The following VTI1A variants were observed in gnomAD, a reference collection of about 807,000 sequenced individuals.
VTI1A encodes the protein vesicle transport through interaction with t-SNAREs 1A.
Under a neutral mutation model 34.9 loss-of-function variants are expected in VTI1A, and 22 were observed. The ratio of observed to expected loss-of-function variants is 0.63; its 90% CI spans 0.45 to 0.90. The LOEUF (loss-of-function observed/expected upper bound fraction) is 0.90. Ranked by LOEUF, VTI1A falls within the 40% of genes least tolerant of loss-of-function variation. The pLI is 0.00. For missense variants in VTI1A, 268 were observed against 275.6 expected (o/e 0.97, Z 0.20); for synonymous variants, 87 against 97.3 (o/e 0.89, Z 0.62).
chr10:112,591,235 T>C (rs1230109298), intron 5 of VTI1A, among the ~76,000 whole-genome samples: 1 of 151,796 alleles, frequency 6.6e-6, no homozygotes, highest in Non-Finnish European at 1.5e-5. Flanking sequence ...GAAGAGATAC[T>C]GTTGACCGGG....
At chr10:112,625,514 C>T (rs1338797196) in intron 5 of VTI1A, among the ~76,000 whole-genome samples, 4 of 151,996 alleles carry the variant, frequency 2.6e-5, no homozygotes, top group African/African-American at 9.7e-5. Context: ...GCGGCACATG[C>T]CTGTAATCCC....
chr10:112,602,094 A>G (rs1589960317), intron 5 of VTI1A, among the ~76,000 whole-genome samples: 1 of 152,230 alleles, frequency 6.6e-6, no homozygotes, highest in Non-Finnish European at 1.5e-5. Flanking sequence ...CACCATTTAT[A>G]GAATGCACTT....
At chr10:112,484,471 C>T (rs1028819163) in intron 3 of VTI1A, among the ~76,000 whole-genome samples, 1 of 152,162 alleles carries the variant, frequency 6.6e-6, no homozygotes, top group Non-Finnish European at 1.5e-5. Flanking sequence ...TTATTCACCT[C>T]CTTTGTGAAG....
intron 7 of VTI1A, among the ~76,000 whole-genome samples, chr10:112,776,007 TTTTCTTGCCG>T (rs138851613): frequency 0.016 from 2,494 of 152,322 alleles, 58 homozygotes; most frequent in African/African-American, 0.057. Flanking sequence ...CTGCCATAGA[TTTTCTTGCCG>T]TTTCTGGCAA....
At chr10:112,451,651 T>C (rs1019973355) in intron 1 of VTI1A, among the ~76,000 whole-genome samples, 3 of 152,208 alleles carry the variant, frequency 2.0e-5, no homozygotes, top group Admixed American at 6.5e-5. Flanking sequence ...AGGAAATGCC[T>C]GAGTCTAGTG....
intron 3 of VTI1A, among the ~76,000 whole-genome samples, chr10:112,517,971 T>A (rs1589853511): frequency 6.6e-6 from 1 of 152,092 alleles, no homozygotes; most frequent in East Asian, 1.9e-4. Flanking sequence ...AATTTATTAA[T>A]TGTGACAAAC....
At chr10:112,760,991 T>C (rs757215041) in intron 7 of VTI1A, among the ~76,000 whole-genome samples, 6 of 151,740 alleles carry the variant, frequency 4.0e-5, no homozygotes, top group Non-Finnish European at 7.4e-5. Context: ...AAATCGGACA[T>C]AGAACCCTTG....
At chr10:112,815,267 T>C (rs1425946632) in intron 7 of VTI1A, 23 bp from the exon 8 acceptor site, 1 of 1,607,960 alleles carries the variant, frequency 6.2e-7, no homozygotes, top group Admixed American at 1.7e-5. Flanking sequence ...TGTGTGTGTT[T>C]TTTCTCCTTT....
At chr10:112,546,709 TC>T (rs1851144165) in intron 5 of VTI1A, among the ~76,000 whole-genome samples, 1 of 152,190 alleles carries the variant, frequency 6.6e-6, no homozygotes, top group Non-Finnish European at 1.5e-5. Flanking sequence ...CATCACAATT[TC>T]CTGCATATCT....
chr10:112,815,451 A>G lies in VTI1A; in HGVS notation c.*68A>G, dbSNP rs1853490542. ...TGAGTAATTAAGACAAAATGGTCAC[A>G]TGAATCATTCTGTTGCGCTGACAGG... On this transcript the variant is annotated 3_prime_UTR_variant, in exon 8 of 8. Coordinates refer to ENST00000393077, the MANE Select transcript of VTI1A (RefSeq NM_145206.4). The G allele has an allele frequency of 2.2e-6, 3 of 1,393,972 alleles. No individual in the cohort carries two copies. The highest frequency in any genetic ancestry group is 1.2e-5 in the South Asian group (1 of 85,772). The allele number at this position is 1,393,972 out of a possible 1,614,324, so 86.4% of individuals were successfully genotyped here.
intron 7 of VTI1A, among the ~76,000 whole-genome samples, chr10:112,788,664 G>A (rs1212656202): frequency 6.6e-6 from 1 of 151,992 alleles, no homozygotes; most frequent in Non-Finnish European, 1.5e-5. Context: ...CATTTAACAT[G>A]TGATTTTTTT....
chr10:112,638,012 A>G (rs1343762196), intron 5 of VTI1A, among the ~76,000 whole-genome samples: 1 of 152,256 alleles, frequency 6.6e-6, no homozygotes, highest in Non-Finnish European at 1.5e-5. Context: ...ACATATGTGA[A>G]TGAAAGATGG....
chr10:112,853,235 T>C, the VTI1A span, among the ~76,000 whole-genome samples: 1 of 152,184 alleles, frequency 6.6e-6, no homozygotes, highest in African/African-American at 2.4e-5. Flanking sequence ...CCAGTGACCA[T>C]GTCTGTGAGC....
At chr10:112,514,516 TTTG>T (rs1189571609) in intron 3 of VTI1A, among the ~76,000 whole-genome samples, 7 of 151,850 alleles carry the variant, frequency 4.6e-5, no homozygotes, top group African/African-American at 1.7e-4. Context: ...TGCCTTGATC[TTTG>T]TTATTTCATT....
chr10:112,500,397 G>C (rs1007506734), intron 3 of VTI1A, among the ~76,000 whole-genome samples: 1 of 151,292 alleles, frequency 6.6e-6, no homozygotes, highest in Non-Finnish European at 1.5e-5. Context: ...ATCGCACCAC[G>C]GCACTCACTC....
intron 7 of VTI1A, among the ~76,000 whole-genome samples, chr10:112,780,559 T>G (rs547877051): frequency 6.6e-6 from 1 of 152,272 alleles, no homozygotes; most frequent in South Asian, 2.1e-4. Context: ...TTATAATAAT[T>G]AACCATGTGC....
chr10:112,762,477 A>AT (rs1348231577), intron 7 of VTI1A, among the ~76,000 whole-genome samples: 4 of 152,204 alleles, frequency 2.6e-5, no homozygotes, highest in Non-Finnish European at 5.9e-5. Context: ...CTTTGGCCCT[A>AT]TATTAGAAAC....
chr10:112,576,019 C>CTTTTTTTTTTTTTTT (rs760363890), intron 5 of VTI1A, among the ~76,000 whole-genome samples: 2 of 131,288 alleles, frequency 1.5e-5, no homozygotes, highest in African/African-American at 2.8e-5. Flanking sequence ...CTTTTCTTTT[C>CTTTTTTTTTTTTTTT]TTTTTTTTTT....
At chr10:112,525,516 A>G (rs1179595967) in intron 3 of VTI1A, among the ~76,000 whole-genome samples, 1 of 152,172 alleles carries the variant, frequency 6.6e-6, no homozygotes, top group Admixed American at 6.5e-5. Flanking sequence ...AACCAGAGCT[A>G]CCTTTAGAAT....
Sources: gnomAD v4.1 joint callset for allele counts (sites outside exome capture counted in the v4.1 genomes callset) on GRCh38, gnomAD v4.1.1 for gene constraint, MANE v1.5 for transcripts, NCBI Gene and HGNC (gene_info 2026-07-23, HGNC 2026-07-21) for gene names.